The following FZD8 variants were observed in gnomAD, a reference collection of about 807,000 sequenced individuals.
FZD8 encodes frizzled class receptor 8.
FZD8 carries 18 observed loss-of-function variants against 46.0 expected under a neutral mutation model. The observed-to-expected ratio is 0.39, with a 90% confidence interval of 0.27 to 0.58. FZD8 has a LOEUF of 0.58. Among genes scored for constraint, FZD8 ranks in the 20% least tolerant of loss-of-function variants. The pLI is 0.55. For missense variants in FZD8, 785 were observed against 983.4 expected (o/e 0.80, Z 2.70); for synonymous variants, 586 against 467.9 (o/e 1.25, Z -3.26).
Position 35,639,526 on chromosome 10 carries a change from G to C in FZD8, c.1904C>G (p.Ala635Gly). ...KGAAVGGGAG[A>G]TAAGGGGGPG... ...CCCGCCGCCACCCCCCGCGGCCGTG[G>C]CGCCCGCGCCCCCGCCCACCGCGGC... The change falls in exon 1 of 1, where the codon GCC (alanine) becomes GGC (glycine). Residue 635 changes from alanine (A) to glycine (G), a missense_variant. Ala to Gly is a moderately conservative substitution (Grantham distance 60). Coordinates refer to ENST00000374694, the MANE Select transcript of FZD8 (RefSeq NM_031866.3). 3.0e-5 allele frequency: 37 copies of C among 1,214,866 alleles called. No individual in the cohort carries two copies. Among genetic ancestry groups the C allele is most frequent in the Non-Finnish European group, 3.7e-5 (36 of 971,986 alleles). 75.3% of individuals were successfully genotyped at this position (1,214,866 alleles called of 1,614,324 possible).
Position 35,641,555 on chromosome 10 carries a change from C to T in FZD8, c.-126G>A. Reference sequence around the variant, plus strand: ...TCTGGGGTCTCCCTTATGCTTCGCCCGGGAGGGGGGTCTGCCGATAATCTA... The same window carrying T: ...TCTGGGGTCTCCCTTATGCTTCGCCTGGGAGGGGGGTCTGCCGATAATCTA... On this transcript the variant is annotated 5_prime_UTR_variant, in exon 1 of 1. Coordinates refer to ENST00000374694, the MANE Select transcript of FZD8 (RefSeq NM_031866.3). The surrounding 1 kb of genome is among the most constrained non-coding windows in gnomAD (Gnocchi z 6.3). The T allele has an allele frequency of 2.4e-6, 3 of 1,272,418 alleles. No individual in the cohort carries two copies. Among genetic ancestry groups the T allele is most frequent in the East Asian group, 2.5e-5 (1 of 39,306 alleles). The allele number at this position is 1,272,418 out of a possible 1,614,324, so 78.8% of individuals were successfully genotyped here. A position where few individuals can be genotyped will look rare whatever the true frequency, so the allele number is the denominator to read the frequency against.
chr10:35,639,647 C>T lies in FZD8; in HGVS notation c.1783G>A (p.Val595Met). The change falls in exon 1 of 1, where the codon GTG (valine) becomes ATG (methionine). Residue 595 changes from valine (V) to methionine (M), a missense_variant. Physicochemically the swap from Val to Met is conservative, Grantham distance 21. Around this residue, in one of 5 missense-constraint regions of FZD8, gnomAD observed 185 missense variants for 180.8 expected, o/e 1.02. Coordinates refer to ENST00000374694, the MANE Select transcript of FZD8 (RefSeq NM_031866.3). ...CACACGCCCGAGGTGATGCCCACCACTAGGCACATGAAGTACTTGAGCATG... is the reference window on the plus strand; with the variant it reads ...CACACGCCCGAGGTGATGCCCACCATTAGGCACATGAAGTACTTGAGCATG... ...VFMLKYFMCLVVGITSGVWVW... is the reference protein window; with the variant it reads ...VFMLKYFMCLMVGITSGVWVW... 6.3e-7 allele frequency: 1 copy of T among 1,598,698 alleles called. No homozygotes were observed. Among genetic ancestry groups the T allele is most frequent in the Non-Finnish European group, 8.5e-7 (1 of 1,179,742 alleles).
At position 35,639,291 on chromosome 10, in the gene FZD8, C is replaced by G. The variant is rs1835810646; in HGVS notation, c.*54G>C. The G allele has an allele frequency of 1.0e-6, 1 of 989,212 alleles. No individual in the cohort carries two copies. Among genetic ancestry groups the G allele is most frequent in the Non-Finnish European group, 1.4e-6 (1 of 710,388 alleles). The allele number at this position is 989,212 out of a possible 1,614,324, so 61.3% of individuals were successfully genotyped here. On this transcript the variant is annotated 3_prime_UTR_variant, in exon 1 of 1. Coordinates refer to ENST00000374694, the MANE Select transcript of FZD8 (RefSeq NM_031866.3). ...GCCCATCAAGTGTCCCTTCGCTGCACTTGGCTCTCCTCGCCCCCCTCCCCA... is the reference window on the plus strand; with the variant it reads ...GCCCATCAAGTGTCCCTTCGCTGCAGTTGGCTCTCCTCGCCCCCCTCCCCA...
Position 35,639,719 on chromosome 10 carries a change from G to A in FZD8, c.1711C>T (p.Arg571Trp). The A allele has an allele frequency of 2.5e-6, 4 of 1,599,676 alleles. No individual in the cohort carries two copies. The highest frequency in any genetic ancestry group is 3.4e-6 in the Non-Finnish European group (4 of 1,179,622). Residue 571 changes from arginine to tryptophan, a missense_variant, in exon 1 of 1, where the codon CGG becomes TGG. Arg to Trp is a moderately radical substitution (Grantham distance 101). Transcript: ENST00000374694. Reference sequence around the variant, plus strand: ...CGTGCCTGGTCGGGCTGCAGGTCCCGCAGGCACGGGCAGTTGTGCGTGGCC... The same window carrying A: ...CGTGCCTGGTCGGGCTGCAGGTCCCACAGGCACGGGCAGTTGTGCGTGGCC... ...WEATHNCPCLRDLQPDQARRP... is the reference protein window; with the variant it reads ...WEATHNCPCLWDLQPDQARRP...
chr10:35,641,582 C>T lies in FZD8; in HGVS notation c.-153G>A. Reference sequence around the variant, plus strand: ...GGAGGGGGGTCTGCCGATAATCTAACCCCTTCTAGGGGCGCGTCCGCAGCG... The same window carrying T: ...GGAGGGGGGTCTGCCGATAATCTAATCCCTTCTAGGGGCGCGTCCGCAGCG... On this transcript the variant is annotated 5_prime_UTR_variant, in exon 1 of 1. Transcript: ENST00000374694. The surrounding 1 kb of genome is among the most constrained non-coding windows in gnomAD (Gnocchi z 6.3). 2 of 1,040,202 alleles carry T rather than the reference C, an allele frequency of 1.9e-6. No individual in the cohort carries two copies. Among genetic ancestry groups the T allele is most frequent in the Non-Finnish European group, 2.7e-6 (2 of 740,512 alleles). The allele number at this position is 1,040,202 out of a possible 1,614,324, so 64.4% of individuals were successfully genotyped here.
chr10:35,640,590 C>T lies in FZD8; in HGVS notation c.840G>A (p.Trp280Ter). 1 of 1,585,868 alleles carries T rather than the reference C, an allele frequency of 6.3e-7. No homozygotes were observed. The highest frequency in any genetic ancestry group is 1.4e-5 in the African/African-American group (1 of 73,974). ...AGCAGAGCACCGACCACAGGCCGAT[C>T]CAGAAGACGGTGAAGGCGCGCTCGT... ...SQDERAFTVFWIGLWSVLCFV... is the reference protein window; with the variant it reads ...SQDERAFTVF The change falls in exon 1 of 1, where the codon TGG (tryptophan) becomes TGA (stop). Residue 280 changes from tryptophan to a stop codon, truncating the protein, a stop_gained. Transcript: ENST00000374694. LOFTEE classifies it high-confidence loss of function.
Position 35,641,494 on chromosome 10 carries a change from G to GGGC in FZD8, c.-66_-65insGCC. The stretch of plus-strand genomic sequence containing the variant: ...CGCGCAGAGGGGTGCCGGGGGGGGG[G>GGGC]CCCACGAGAGAGCCGCAGACGGGTA... On this transcript the variant is annotated 5_prime_UTR_variant, in exon 1 of 1. Coordinates refer to ENST00000374694, the MANE Select transcript of FZD8 (RefSeq NM_031866.3). This position sits in a 1 kb window ranked among gnomAD's most constrained non-coding sequence, Gnocchi z 6.3. 6.6e-7 allele frequency: 1 copy of GGGC among 1,506,092 alleles called. No homozygotes were observed. Among genetic ancestry groups the GGGC allele is most frequent in the African/African-American group, 1.4e-5 (1 of 71,626 alleles). 93.3% of individuals were successfully genotyped at this position (1,506,092 alleles called of 1,614,324 possible).
In FZD8 at chr10:35,640,388, C is replaced by G; in HGVS notation, c.1042G>C (p.Gly348Arg). The stretch of plus-strand genomic sequence containing the variant: ...GCGCCGCCCGCGCCCCCAGCGCCCC[C>G]CGCGCCCGGCGCGCCACCGCTGCAC... ...VACSGGAPGAGGAGGAGGAAA... is the reference protein window; with the variant it reads ...VACSGGAPGARGAGGAGGAAA... Residue 348 changes from glycine (G) to arginine (R), a missense_variant, in exon 1 of 1, where the codon GGG (glycine) becomes CGG (arginine). Gly to Arg is a moderately radical substitution (Grantham distance 125, BLOSUM62 -2). Transcript: ENST00000374694. The G allele has an allele frequency of 1.8e-6, 2 of 1,138,818 alleles. No individual in the cohort carries two copies. Among genetic ancestry groups the G allele is most frequent in the Non-Finnish European group, 2.2e-6 (2 of 909,528 alleles). 70.5% of individuals were successfully genotyped at this position (1,138,818 alleles called of 1,614,324 possible). A position where few individuals can be genotyped will look rare whatever the true frequency, so the allele number is the denominator to read the frequency against.
Position 35,639,833 on chromosome 10 carries a change from G to A in FZD8, c.1597C>T (p.Leu533=). The A allele has an allele frequency of 6.4e-7, 1 of 1,570,876 alleles. No homozygotes were observed. Among genetic ancestry groups the A allele is most frequent in the South Asian group, 1.2e-5 (1 of 86,002 alleles). ...THKLEKLMIR[L]GLFTVLYTVP... ...GTGTAGAGCACGGTGAACAGGCCCA[G>A]GCGGATCATCAGCTTCTCCAGCTTG... The change falls in exon 1 of 1, where the codon CTG becomes TTG. Residue 533 remains leucine (L), a synonymous_variant. Transcript: ENST00000374694.
Position 35,639,314 on chromosome 10 carries a change from C to CCCCCCCCCCCCGG in FZD8, c.*30_*31insCCGGGGGGGGGGG. 1 of 987,878 alleles carries CCCCCCCCCCCCGG rather than the reference C, an allele frequency of 1.0e-6. No individual in the cohort carries two copies. Among genetic ancestry groups the CCCCCCCCCCCCGG allele is most frequent in the Non-Finnish European group, 1.4e-6 (1 of 702,254 alleles). The allele number at this position is 987,878 out of a possible 1,614,324, so 61.2% of individuals were successfully genotyped here. ...CACTTGGCTCTCCTCGCCCCCCTCC[C>CCCCCCCCCCCCGG]CACCCCTCCTGGGCGCCCCCTCCCC... is the stretch of plus-strand genomic sequence containing the variant. On this transcript the variant is annotated 3_prime_UTR_variant, in exon 1 of 1. Transcript: ENST00000374694.
Position 35,639,373 on chromosome 10 carries a change from G to A in FZD8, c.2057C>T (p.Pro686Leu). The change falls in exon 1 of 1, where the codon CCA becomes CTA. Residue 686 changes from proline (P) to leucine (L), a missense_variant. Pro to Leu is a moderately conservative substitution (Grantham distance 98). Transcript: ENST00000374694. ...RSGTASSVSY[P>L]KQMPLSQV is the part of the protein sequence containing the mutation. ...GACCTGGGACAATGGCATCTGCTTT[G>A]GATAAGACACGGAGCTCGCCGTGCC... is the stretch of plus-strand genomic sequence containing the variant. The A allele has an allele frequency of 6.8e-7, 1 of 1,471,086 alleles. No individual in the cohort carries two copies. The highest frequency in any genetic ancestry group is 9.1e-7 in the Non-Finnish European group (1 of 1,104,422). 91.1% of individuals were successfully genotyped at this position (1,471,086 alleles called of 1,614,324 possible). A position where few individuals can be genotyped will look rare whatever the true frequency, so the allele number is the denominator to read the frequency against.
chr10:35,641,073 C>A lies in FZD8; in HGVS notation c.357G>T (p.Ala119=), dbSNP rs756245594. 1 of 1,609,766 alleles carries A rather than the reference C, an allele frequency of 6.2e-7. No homozygotes were observed. The highest frequency in any genetic ancestry group is 1.3e-5 in the African/African-American group (1 of 74,846). ...SVCERAKAGC[A]PLMRQYGFAW... is the part of the protein sequence containing the mutation. ...CGAAGCCGTACTGGCGCATGAGCGG[C>A]GCGCAGCCGGCCTTGGCGCGCTCGC... The change falls in exon 1 of 1, where the codon GCG becomes GCT. Residue 119 remains alanine (A), a synonymous_variant. Coordinates refer to ENST00000374694, the MANE Select transcript of FZD8 (RefSeq NM_031866.3). This position sits in a 1 kb window ranked among gnomAD's most constrained non-coding sequence, Gnocchi z 6.3.
At position 35,640,388 on chromosome 10, in the gene FZD8, C is replaced by T. The variant is rs1835836697; in HGVS notation, c.1042G>A (p.Gly348Arg). The T allele has an allele frequency of 8.8e-7, 1 of 1,138,806 alleles. No homozygotes were observed. The highest frequency in any genetic ancestry group is 2.9e-5 in the South Asian group (1 of 34,626). The allele number at this position is 1,138,806 out of a possible 1,614,324, so 70.5% of individuals were successfully genotyped here. A position where few individuals can be genotyped will look rare whatever the true frequency, so the allele number is the denominator to read the frequency against. ...GCGCCGCCCGCGCCCCCAGCGCCCCCCGCGCCCGGCGCGCCACCGCTGCAC... is the reference window on the plus strand; with the variant it reads ...GCGCCGCCCGCGCCCCCAGCGCCCCTCGCGCCCGGCGCGCCACCGCTGCAC... Reference protein sequence around the residue: ...VACSGGAPGAGGAGGAGGAAA... With the variant: ...VACSGGAPGARGAGGAGGAAA... The change falls in exon 1 of 1, where the codon GGG becomes AGG. Residue 348 changes from glycine (G) to arginine (R), a missense_variant. Physicochemically the swap from Gly to Arg is moderately radical, Grantham distance 125 (BLOSUM62 -2). This residue lies in a region of FZD8 where 88 missense variants were observed against 83.6 expected (regional missense o/e 1.05). Transcript: ENST00000374694.
In FZD8 at chr10:35,639,363, C is replaced by T. The variant is rs1187310368; in HGVS notation, c.2067G>A (p.Met689Ile). The change falls in exon 1 of 1, where the codon ATG becomes ATA. Residue 689 changes from methionine (M) to isoleucine (I), a missense_variant. Physicochemically the swap from Met to Ile is conservative, Grantham distance 10 (BLOSUM62 1). Coordinates refer to ENST00000374694, the MANE Select transcript of FZD8 (RefSeq NM_031866.3). Reference sequence around the variant, plus strand: ...CCTCCGCTCAGACCTGGGACAATGGCATCTGCTTTGGATAAGACACGGAGC... The same window carrying T: ...CCTCCGCTCAGACCTGGGACAATGGTATCTGCTTTGGATAAGACACGGAGC... ...TASSVSYPKQ[M>I]PLSQV 5 of 1,461,218 alleles carry T rather than the reference C, an allele frequency of 3.4e-6. No homozygotes were observed. Among genetic ancestry groups the T allele is most frequent in the Non-Finnish European group, 4.6e-6 (5 of 1,095,448 alleles). 90.5% of individuals were successfully genotyped at this position (1,461,218 alleles called of 1,614,324 possible). A position where few individuals can be genotyped will look rare whatever the true frequency, so the allele number is the denominator to read the frequency against.
chr10:35,639,657 G>GA lies in FZD8; in HGVS notation c.1772dup (p.Met592HisfsTer129), dbSNP rs748792461. The GA allele has an allele frequency of 6.3e-7, 1 of 1,598,954 alleles. No individual in the cohort carries two copies. The highest frequency in any genetic ancestry group is 2.2e-5 in the East Asian group (1 of 44,856). On this transcript the variant is annotated frameshift_variant, in exon 1 of 1. Coordinates refer to ENST00000374694, the MANE Select transcript of FZD8 (RefSeq NM_031866.3). LOFTEE classifies it high-confidence loss of function. ...AGGTGATGCCCACCACTAGGCACAT[G>GA]AAGTACTTGAGCATGAAGACGGCGT...
chr10:35,641,375 G>A lies in FZD8; in HGVS notation c.55C>T (p.Leu19=). ...GCCGCAGCGCCGCTAGAGCGCTGCA[G>A]CAGCGCCAAGGCGGCCAGCAGCGAG... ...VTSLLAALAL[L]QRSSGAAAAS... The change falls in exon 1 of 1, where the codon CTG becomes TTG. Residue 19 remains leucine, a synonymous_variant. Coordinates refer to ENST00000374694, the MANE Select transcript of FZD8 (RefSeq NM_031866.3). This position sits in a 1 kb window ranked among gnomAD's most constrained non-coding sequence, Gnocchi z 6.3. 1 of 1,613,134 alleles carries A rather than the reference G, an allele frequency of 6.2e-7. No individual in the cohort carries two copies. Among genetic ancestry groups the A allele is most frequent in the Non-Finnish European group, 8.5e-7 (1 of 1,179,772 alleles).
In FZD8 at chr10:35,640,692, G is replaced by A. The variant is rs370996792; in HGVS notation, c.738C>T (p.His246=). ...CTGTCTTGACGCGGTTGTAGAGCGG[G>A]TGGCGCTCGCTGGACACGCTCACCA... The part of the protein sequence containing the change: ...APMVSVSSER[H]PLYNRVKTGQ... The change falls in exon 1 of 1, where the codon CAC becomes CAT. Residue 246 remains histidine, a synonymous_variant. Transcript: ENST00000374694. 7 of 1,524,252 alleles carry A rather than the reference G, an allele frequency of 4.6e-6. No individual in the cohort carries two copies. The highest frequency in any genetic ancestry group is 4.2e-5 in the African/African-American group (3 of 71,140). The allele number at this position is 1,524,252 out of a possible 1,614,324, so 94.4% of individuals were successfully genotyped here.
Position 35,641,175 on chromosome 10 carries a change from C to T in FZD8, c.255G>A (p.Lys85=). 6.2e-7 allele frequency: 1 copy of T among 1,613,920 alleles called. No homozygotes were observed. The highest frequency in any genetic ancestry group is 8.5e-7 in the Non-Finnish European group (1 of 1,179,888). The change falls in exon 1 of 1, where the codon AAG becomes AAA. Residue 85 remains lysine, a synonymous_variant. Coordinates refer to ENST00000374694, the MANE Select transcript of FZD8 (RefSeq NM_031866.3). The surrounding 1 kb of genome is among the most constrained non-coding windows in gnomAD (Gnocchi z 6.3). ...LVEIQCSPDL[K]FFLCSMYTPI... ...GCGTGTACATGCTGCACAGGAAGAA[C>T]TTGAGATCGGGCGAGCACTGGATCT... is the stretch of plus-strand genomic sequence containing the variant.
Position 35,640,872 on chromosome 10 carries a change from C to T in FZD8, c.558G>A (p.Pro186=). The change falls in exon 1 of 1, where the codon CCG becomes CCA. Residue 186 remains proline, a synonymous_variant. Transcript: ENST00000374694. ...CGCCGCGGTGCGGGGGCCTGGCCCCCGGCGGGCGGCCGTGGCCGCTGCCCG... is the reference window on the plus strand; with the variant it reads ...CGCCGCGGTGCGGGGGCCTGGCCCCTGGCGGGCGGCCGTGGCCGCTGCCCG... ...PPSGSGHGRP[P]GARPPHRGGG... 3.1e-6 allele frequency: 3 copies of T among 979,146 alleles called. No individual in the cohort carries two copies. The highest frequency in any genetic ancestry group is 3.6e-6 in the Non-Finnish European group (3 of 827,070). 60.7% of individuals were successfully genotyped at this position (979,146 alleles called of 1,614,324 possible).
Sources: allele counts gnomAD v4.1 joint callset, GRCh38; gene constraint gnomAD v4.1.1; regional missense constraint gnomAD v4.1.1; non-coding constraint Gnocchi (gnomAD v3.1); transcripts MANE v1.5; gene names NCBI Gene and HGNC (gene_info 2026-07-23, HGNC 2026-07-21).